The following UBLCP1 variants were observed in gnomAD, a reference collection of about 807,000 sequenced individuals.
UBLCP1 encodes ubiquitin like domain containing CTD phosphatase 1.
Under a neutral mutation model 42.4 loss-of-function variants are expected in UBLCP1, and 28 were observed. That is an observed-to-expected ratio of 0.66 (90% CI 0.49 to 0.90). The LOEUF (loss-of-function observed/expected upper bound fraction) is 0.90. Among genes scored for constraint, UBLCP1 ranks in the 40% least tolerant of loss-of-function variants. The pLI, the probability that UBLCP1 is intolerant of heterozygous loss-of-function variation, is 0.00. For synonymous variants in UBLCP1, 122 were observed against 120.8 expected (o/e 1.01, Z -0.07); for missense variants, 279 against 374.5 (o/e 0.75, Z 2.10).
At chr5:159,275,302 T>G in intron 8 of UBLCP1, 56 bp downstream of exon 8, 2 of 1,430,640 alleles carry the variant, frequency 1.4e-6, no homozygotes, top group Non-Finnish European at 2.0e-6. Flanking sequence ...CCAGTGTACT[T>G]TTTATGTTTA....
chr5:159,273,927 T>C (rs1753502611), intron 6 of UBLCP1, among the ~76,000 whole-genome samples: 1 of 152,184 alleles, frequency 6.6e-6, no homozygotes, highest in Non-Finnish European at 1.5e-5. Context: ...TATACCTGTA[T>C]AGTTTAGTCC....
At chr5:159,276,539 GT>G in intron 8 of UBLCP1, among the ~76,000 whole-genome samples, 1 of 152,240 alleles carries the variant, frequency 6.6e-6, no homozygotes, top group East Asian at 1.9e-4. Context: ...TGTTAAACAT[GT>G]TTTATAACAG....
chr5:159,284,844 A>T, intron 10 of UBLCP1, 60 bp from the exon 11 acceptor site: 1 of 1,575,272 alleles, frequency 6.3e-7, no homozygotes, highest in Non-Finnish European at 8.7e-7. Context: ...GAGCAAAGTT[A>T]GGTTATCTTC....
chr5:159,267,998 G>A (rs1489624709), intron 1 of UBLCP1, among the ~76,000 whole-genome samples: 1 of 151,502 alleles, frequency 6.6e-6, no homozygotes, highest in Admixed American at 6.6e-5. Context: ...CAACTGAAGA[G>A]ATACAATTGT....
chr5:159,267,151 C>T (rs1489443799), intron 1 of UBLCP1, among the ~76,000 whole-genome samples: 1 of 152,100 alleles, frequency 6.6e-6, no homozygotes, highest in Non-Finnish European at 1.5e-5. Flanking sequence ...CAATGCCAGC[C>T]CGTGAAAGCA....
At chr5:159,280,295 GT>G (rs1753592726) in intron 9 of UBLCP1, among the ~76,000 whole-genome samples, 1 of 152,084 alleles carries the variant, frequency 6.6e-6, no homozygotes, top group African/African-American at 2.4e-5. Context: ...ATCTGCCCAC[GT>G]CGGCATAGAA....
intron 10 of UBLCP1, among the ~76,000 whole-genome samples, chr5:159,283,736 GTAT>G (rs1347196688): frequency 5.3e-5 from 8 of 152,036 alleles, no homozygotes; most frequent in African/African-American, 1.9e-4. Flanking sequence ...TTCATAAATA[GTAT>G]TAAAAATTAC....
chr5:159,283,154 ATTTG>A (rs1264201436), intron 9 of UBLCP1, 54 bp from the exon 10 acceptor site: 1 of 1,529,662 alleles, frequency 6.5e-7, no homozygotes, highest in African/African-American at 1.4e-5. Context: ...GATAGTATAG[ATTTG>A]TTAGTTTTCC....
intron 1 of UBLCP1, among the ~76,000 whole-genome samples, chr5:159,263,730 A>C (rs1753333058): frequency 6.6e-6 from 1 of 152,138 alleles, no homozygotes; most frequent in African/African-American, 2.4e-5. Flanking sequence ...CAGTTAGCAC[A>C]GCCCCCGACC....
At chr5:159,263,723 T>C (rs1444222893) in intron 1 of UBLCP1, among the ~76,000 whole-genome samples, 2 of 152,190 alleles carry the variant, frequency 1.3e-5, no homozygotes, top group Non-Finnish European at 2.9e-5. Flanking sequence ...CCTAAGTCAG[T>C]TAGCACAGCC....
At chr5:159,267,565 G>A (rs1753414645) in intron 1 of UBLCP1, among the ~76,000 whole-genome samples, 1 of 152,186 alleles carries the variant, frequency 6.6e-6, no homozygotes. Context: ...GTTTTGAAAT[G>A]TGAGGACATG....
intron 1 of UBLCP1, among the ~76,000 whole-genome samples, chr5:159,266,672 G>T: frequency 6.6e-6 from 1 of 152,178 alleles, no homozygotes; most frequent in Non-Finnish European, 1.5e-5. Flanking sequence ...GGCCCAGGAA[G>T]GAAAAAAGGT....
rs781560664 is a variant in UBLCP1 at position 159,269,928 on chromosome 5, G to C, written c.175G>C (p.Val59Leu). Residue 59 changes from valine (V) to leucine (L), a missense_variant, in exon 3 of 11, where the codon GTT (valine) becomes CTT (leucine). Physicochemically the swap from Val to Leu is conservative, Grantham distance 32 (BLOSUM62 1). Coordinates refer to ENST00000296786, the MANE Select transcript of UBLCP1 (RefSeq NM_145049.5). ...KVKGKPAEND[V>L]KLGALKLKPN... Reference sequence around the variant, plus strand: ...TGTAGGCAAACCTGCAGAAAATGATGTTAAGCTTGGAGCTCTCAAACTGAA... The same window carrying C: ...TGTAGGCAAACCTGCAGAAAATGATCTTAAGCTTGGAGCTCTCAAACTGAA... 6.2e-7 allele frequency: 1 copy of C among 1,613,014 alleles called. No homozygotes were observed. Among genetic ancestry groups the C allele is most frequent in the Admixed American group, 1.7e-5 (1 of 59,876 alleles).
chr5:159,274,349 G>T, intron 6 of UBLCP1: 1 of 344,944 alleles, frequency 2.9e-6, no homozygotes, highest in Non-Finnish European at 5.3e-6. Context: ...TTTTGAGCAT[G>T]GATTACCTGT....
chr5:159,272,513 C>A (rs1308996794), intron 6 of UBLCP1, among the ~76,000 whole-genome samples: 4 of 152,102 alleles, frequency 2.6e-5, no homozygotes, highest in African/African-American at 9.7e-5. Context: ...CTTGGCCTCC[C>A]AAAGTGCTGG....
rs1014261374 is a variant in UBLCP1, at chr5:159,263,379, C to A, written c.-47+19C>A. 6.6e-6 allele frequency: 1 copy of A among 152,290 alleles called. No homozygotes were observed. The highest frequency in any genetic ancestry group is 1.5e-5 in the Non-Finnish European group (1 of 68,058). The allele number at this position is 152,290 out of a possible 1,614,324, so 9.4% of individuals were successfully genotyped here. The stretch of plus-strand genomic sequence containing the variant: ...GCTCCAGGTGAGGGGTTGCGGGGCA[C>A]CCTGGCGCGCTGCCCTTGGAGACGC... On this transcript the variant is annotated intron_variant, in intron 1 of 10. Transcript: ENST00000296786.
chr5:159,269,276 A>G (rs1753435968), intron 2 of UBLCP1, among the ~76,000 whole-genome samples: 1 of 152,208 alleles, frequency 6.6e-6, no homozygotes, highest in Non-Finnish European at 1.5e-5. Flanking sequence ...CGAAAATACC[A>G]TGATTATTAA....
chr5:159,275,022 TTAGCAAGATG>T (rs1753516025), intron 7 of UBLCP1, 116 bp from the exon 8 acceptor site: 4 of 753,118 alleles, frequency 5.3e-6, no homozygotes, highest in Non-Finnish European at 8.9e-6. Flanking sequence ...TCCTAGTTGT[TTAGCAAGATG>T]TAGTGGCCAG....
intron 3 of UBLCP1, 68 bp downstream of exon 3, chr5:159,270,067 T>TAAA: frequency 1.5e-6 from 2 of 1,315,118 alleles, no homozygotes; most frequent in Non-Finnish European, 2.1e-6. Flanking sequence ...CACTGTTGTA[T>TAAA]TATAGTTTTA....
Sources: gnomAD v4.1 joint callset for allele counts (sites outside exome capture counted in the v4.1 genomes callset) on GRCh38, gnomAD v4.1.1 for gene constraint, MANE v1.5 for transcripts, NCBI Gene and HGNC (gene_info 2026-07-23, HGNC 2026-07-21) for gene names.